CAMSAP3: variants seen among roughly 807,000 people sequenced by gnomAD.
CAMSAP3 encodes the protein calmodulin regulated spectrin associated protein family member 3.
A neutral mutation model predicts 112.5 loss-of-function variants in CAMSAP3; 34 were observed. The ratio of observed to expected loss-of-function variants is 0.30; its 90% CI spans 0.23 to 0.40. CAMSAP3 has a LOEUF of 0.40. Among genes scored for constraint, CAMSAP3 ranks in the 10% least tolerant of loss-of-function variants. The pLI, the probability that CAMSAP3 is intolerant of heterozygous loss-of-function variation, is 1.00. For missense variants in CAMSAP3, 1,602 were observed against 1,770.3 expected (o/e 0.90, Z 1.71); for synonymous variants, 868 against 799.8 (o/e 1.09, Z -1.44).
At chr19:7,605,604 C>G in intron 2 of CAMSAP3, 125 bp downstream of exon 2, 1 of 1,134,078 alleles carries the variant, frequency 8.8e-7, no homozygotes, top group Non-Finnish European at 1.2e-6. Flanking sequence ...CAAGCTTTGT[C>G]GATTAAGCCT....
rs747388400 is a variant in CAMSAP3, at chr19:7,612,286, C to T, written c.1793C>T (p.Ser598Leu). ...STPAPPEALSSEMSELSARLE... is the reference protein window; with the variant it reads ...STPAPPEALSLEMSELSARLE... ...CCGGCCCCGCCGGAGGCCCTGAGCT[C>T]GGAGATGAGTGAGCTCAGCGCCCGG... The change falls in exon 11 of 17, where the codon TCG becomes TTG. Residue 598 changes from serine to leucine, a missense_variant. By Grantham distance (145) the Ser-to-Leu change is moderately radical. Transcript: ENST00000160298. 11 of 1,601,496 alleles carry T rather than the reference C, an allele frequency of 6.9e-6. No individual in the cohort carries two copies. The South Asian group carries it at 1.1e-4, about 16-fold the overall frequency.
rs764162413 is a variant in CAMSAP3, at chr19:7,606,492, A to G, written c.542A>G (p.Gln181Arg). ...FWVDTTVRRL[Q>R]EKTEQEAAQR... ...GCCCTCCAGACCGTCCGGCGGCTGC[A>G]GGAGAAGACCGAGCAGGAAGCGGCC... Residue 181 changes from glutamine to arginine, a missense_variant, in exon 4 of 17, where the codon CAG becomes CGG. Coordinates refer to ENST00000160298, the MANE Select transcript of CAMSAP3 (RefSeq NM_020902.2). 1.9e-6 allele frequency: 3 copies of G among 1,582,238 alleles called. No homozygotes were observed. Among genetic ancestry groups the G allele is most frequent in the South Asian group, 1.1e-5 (1 of 88,866 alleles).
intron 1 of CAMSAP3, among the ~76,000 whole-genome samples, chr19:7,603,810 C>G (rs1289641950): frequency 6.6e-6 from 1 of 152,138 alleles, no homozygotes; most frequent in African/African-American, 2.4e-5. Flanking sequence ...GATCGTGCCA[C>G]TGCACTCCAG....
At position 7,606,548 on chromosome 19, in the gene CAMSAP3, G is replaced by A. The variant is rs1372361145; in HGVS notation, c.598G>A (p.Gly200Arg). 3.7e-5 allele frequency: 57 copies of A among 1,545,020 alleles called. No individual in the cohort carries two copies. The highest frequency in any genetic ancestry group is 4.9e-5 in the Non-Finnish European group (56 of 1,151,966). Residue 200 changes from glycine to arginine, a missense_variant, in exon 4 of 17, where the codon GGG (glycine) becomes AGG (arginine). Physicochemically the swap from Gly to Arg is moderately radical, Grantham distance 125. Around this residue, in one of 6 missense-constraint regions of CAMSAP3, gnomAD observed 112 missense variants for 94.2 expected, o/e 1.19. Transcript: ENST00000160298. ...AGCCTCTCCAGCAGCCCCTGCAGACGGGGCGGCCCCGGCGCAGCCCTCGGT... is the reference window on the plus strand; with the variant it reads ...AGCCTCTCCAGCAGCCCCTGCAGACAGGGCGGCCCCGGCGCAGCCCTCGGT... ...QRASPAAPAD[G>R]AAPAQPSIRY...
chr19:7,604,325 A>C (rs2030100394), intron 1 of CAMSAP3, among the ~76,000 whole-genome samples: 1 of 151,802 alleles, frequency 6.6e-6, no homozygotes, highest in Admixed American at 6.6e-5. Context: ...CCATTGTCCT[A>C]TTTAGGGACC....
chr19:7,606,243 T>G (rs747436679), intron 2 of CAMSAP3, 28 bp from the exon 3 acceptor site: 1 of 1,527,434 alleles, frequency 6.5e-7, no homozygotes, highest in South Asian at 1.1e-5. Flanking sequence ...AGCTCTCAGG[T>G]CTCACCCTCT....
At chr19:7,606,038 C>T (rs116186393) in intron 2 of CAMSAP3, among the ~76,000 whole-genome samples, 1,928 of 152,266 alleles carry the variant, frequency 0.013, 37 homozygotes, top group African/African-American at 0.043. Flanking sequence ...CCTATCCTAA[C>T]GCCTAGCATC....
In CAMSAP3 at chr19:7,618,131, T is replaced by G; in HGVS notation, c.*74T>G. On this transcript the variant is annotated 3_prime_UTR_variant, in exon 17 of 17. Transcript: ENST00000160298. ...TCCCCTGGAGGACAGTCAGTCGGTA[T>G]TCCTGGGTCCTGTCTGTCCCCAACC... 8.0e-6 allele frequency: 12 copies of G among 1,505,276 alleles called. No homozygotes were observed. Among genetic ancestry groups the G allele is most frequent in the Non-Finnish European group, 1.1e-5 (12 of 1,113,830 alleles). 93.2% of individuals were successfully genotyped at this position (1,505,276 alleles called of 1,614,324 possible).
rs111796881 is a variant in CAMSAP3, at chr19:7,604,692, C to T, written c.149-534C>T. Among the ~76,000 whole-genome samples the T allele has an allele frequency of 7.6e-3, 1,150 of 152,064 alleles. 18 individuals carry two copies. The highest frequency in any genetic ancestry group is 0.026 in the African/African-American group (1,097 of 41,454). ...GGGCGTCCAGTTTGCTGGGTCTAAC[C>T]CCAGTCCTGGTGTTGAAGAGTTATT... On this transcript the variant is annotated intron_variant, in intron 1 of 16. Coordinates refer to ENST00000160298, the MANE Select transcript of CAMSAP3 (RefSeq NM_020902.2).
In CAMSAP3 at chr19:7,615,698, A is replaced by C; in HGVS notation, c.3091A>C (p.Ser1031Arg). 1 of 1,409,802 alleles carries C rather than the reference A, an allele frequency of 7.1e-7. No homozygotes were observed. Among genetic ancestry groups the C allele is most frequent in the Non-Finnish European group, 9.2e-7 (1 of 1,088,398 alleles). The allele number at this position is 1,409,802 out of a possible 1,614,324, so 87.3% of individuals were successfully genotyped here. A position where few individuals can be genotyped will look rare whatever the true frequency, so the allele number is the denominator to read the frequency against. Residue 1031 changes from serine (S) to arginine (R), a missense_variant, in exon 13 of 17, where the codon AGC becomes CGC. Coordinates refer to ENST00000160298, the MANE Select transcript of CAMSAP3 (RefSeq NM_020902.2). The surrounding 1 kb of genome is among the most constrained non-coding windows in gnomAD (Gnocchi z 6.5). ...CTGTGACGACTCAGCCCTGGCACGAAGCCCAGCCCGCGGCCTGCTGGGTGA... is the reference window on the plus strand; with the variant it reads ...CTGTGACGACTCAGCCCTGGCACGACGCCCAGCCCGCGGCCTGCTGGGTGA... ...GCCDDSALAR[S>R]PARGLLGSRL...
At position 7,612,644 on chromosome 19, in the gene CAMSAP3, G is replaced by C; in HGVS notation, c.2151G>C (p.Met717Ile). ...SAALSSLQRD[M>I]QRLTDQQQRL... The stretch of plus-strand genomic sequence containing the variant: ...CCTTGAGCTCGCTGCAGCGGGACAT[G>C]CAGAGGCTCACGGACCAGCAGCAGC... The change falls in exon 11 of 17, where the codon ATG becomes ATC. Residue 717 changes from methionine to isoleucine, a missense_variant. Physicochemically the swap from Met to Ile is conservative, Grantham distance 10. This residue lies in a region of CAMSAP3 where 1,100 missense variants were observed against 1,135.7 expected (regional missense o/e 0.97). Coordinates refer to ENST00000160298, the MANE Select transcript of CAMSAP3 (RefSeq NM_020902.2). The C allele has an allele frequency of 6.6e-7, 1 of 1,518,850 alleles. No homozygotes were observed. The highest frequency in any genetic ancestry group is 2.0e-5 in the Admixed American group (1 of 49,906). 94.1% of individuals were successfully genotyped at this position (1,518,850 alleles called of 1,614,324 possible).
At chr19:7,604,805 T>G (rs562200811) in intron 1 of CAMSAP3, among the ~76,000 whole-genome samples, 1 of 152,280 alleles carries the variant, frequency 6.6e-6, no homozygotes, top group South Asian at 2.1e-4. Context: ...GGCTGCCTCC[T>G]AGCGTTGATG....
At chr19:7,596,892 C>G (rs1304409377) in intron 1 of CAMSAP3, among the ~76,000 whole-genome samples, 1 of 152,098 alleles carries the variant, frequency 6.6e-6, no homozygotes. Flanking sequence ...TAGAGCAGAT[C>G]CTTCACTCCC....
Position 7,611,083 on chromosome 19 carries a change from C to T in CAMSAP3, c.1050-12C>T. The T allele has an allele frequency of 1.2e-6, 2 of 1,613,588 alleles. No individual in the cohort carries two copies. The highest frequency in any genetic ancestry group is 1.7e-6 in the Non-Finnish European group (2 of 1,179,812). On this transcript the variant is annotated splice_polypyrimidine_tract_variant and intron_variant, in intron 8 of 16. Transcript: ENST00000160298. The surrounding 1 kb of genome is among the most constrained non-coding windows in gnomAD (Gnocchi z 6.9). ...TGGGGGTCCTGAGGCTGAAGTACGT[C>T]TCTCCGTACAGTTCTCCTGTCTTCA...
chr19:7,604,670 C>T (rs562705728), intron 1 of CAMSAP3, among the ~76,000 whole-genome samples: 34 of 151,594 alleles, frequency 2.2e-4, no homozygotes, highest in African/African-American at 5.1e-4. Flanking sequence ...TAAGAGAGGG[C>T]GTCCAGTTTG....
At chr19:7,599,120 A>G (rs1338687070) in intron 1 of CAMSAP3, among the ~76,000 whole-genome samples, 1 of 150,460 alleles carries the variant, frequency 6.6e-6, no homozygotes, top group Non-Finnish European at 1.5e-5. Context: ...ACAGTCAGCT[A>G]TGATCACGCC....
chr19:7,612,645 C>G lies in CAMSAP3; in HGVS notation c.2152C>G (p.Gln718Glu). 6.6e-7 allele frequency: 1 copy of G among 1,517,678 alleles called. No individual in the cohort carries two copies. The highest frequency in any genetic ancestry group is 8.8e-7 in the Non-Finnish European group (1 of 1,134,140). The allele number at this position is 1,517,678 out of a possible 1,614,324, so 94.0% of individuals were successfully genotyped here. A position where few individuals can be genotyped will look rare whatever the true frequency, so the allele number is the denominator to read the frequency against. Residue 718 changes from glutamine to glutamate, a missense_variant, in exon 11 of 17, where the codon CAG becomes GAG. Coordinates refer to ENST00000160298, the MANE Select transcript of CAMSAP3 (RefSeq NM_020902.2). The part of the protein sequence containing the change: ...AALSSLQRDM[Q>E]RLTDQQQRLL... ...CTTGAGCTCGCTGCAGCGGGACATG[C>G]AGAGGCTCACGGACCAGCAGCAGCG...
rs774011844 is a variant in CAMSAP3, at chr19:7,606,321, G to A, written c.453G>A (p.Glu151=). 3.7e-6 allele frequency: 6 copies of A among 1,613,898 alleles called. No individual in the cohort carries two copies. The highest frequency in any genetic ancestry group is 2.2e-5 in the South Asian group (2 of 91,086). The change falls in exon 3 of 17, where the codon GAG becomes GAA. Residue 151 remains glutamate (E), a synonymous_variant. Transcript: ENST00000160298. The part of the protein sequence containing the change: ...IDALMAAFAF[E]WTKTLPGPLA... Reference sequence around the variant, plus strand: ...CCCTCATGGCTGCCTTTGCCTTCGAGTGGACAAAGACCCTGCCAGGTCCCT... The same window carrying A: ...CCCTCATGGCTGCCTTTGCCTTCGAATGGACAAAGACCCTGCCAGGTCCCT...
In CAMSAP3 at chr19:7,611,121, C is replaced by T. The variant is rs770487858; in HGVS notation, c.1076C>T (p.Pro359Leu). The T allele has an allele frequency of 1.8e-5, 29 of 1,613,768 alleles. No individual in the cohort carries two copies. The highest frequency in any genetic ancestry group is 3.3e-4 in the Middle Eastern group (2 of 6,060). The change falls in exon 9 of 17, where the codon CCG (proline) becomes CTG (leucine). Residue 359 changes from proline (P) to leucine (L), a missense_variant. Pro to Leu is a moderately conservative substitution (Grantham distance 98). Around this residue, in one of 6 missense-constraint regions of CAMSAP3, gnomAD observed 1,100 missense variants for 1,135.7 expected, o/e 0.97. Transcript: ENST00000160298. This position sits in a 1 kb window ranked among gnomAD's most constrained non-coding sequence, Gnocchi z 6.9. ...TCTCCTGTCTTCACCTTCCGCCACCCGCTTCTGTCATCTGGTGGCCCCCAG... is the reference window on the plus strand; with the variant it reads ...TCTCCTGTCTTCACCTTCCGCCACCTGCTTCTGTCATCTGGTGGCCCCCAG... Reference protein sequence around the residue: ...SSSPVFTFRHPLLSSGGPQSP... With the variant: ...SSSPVFTFRHLLLSSGGPQSP...
Sources: allele counts gnomAD v4.1 joint callset (sites outside exome capture counted in the v4.1 genomes callset), GRCh38; gene constraint gnomAD v4.1.1; regional missense constraint gnomAD v4.1.1; non-coding constraint Gnocchi (gnomAD v3.1); transcripts MANE v1.5; gene names NCBI Gene and HGNC (gene_info 2026-07-23, HGNC 2026-07-21).